RAD54L: variants seen among roughly 807,000 people sequenced by gnomAD.
The protein encoded by RAD54L is RAD54 like.
A neutral mutation model predicts 91.6 loss-of-function variants in RAD54L; 74 were observed. The ratio of observed to expected loss-of-function variants is 0.81; its 90% CI spans 0.67 to 0.98. The LOEUF (loss-of-function observed/expected upper bound fraction) is 0.98. Ranked by LOEUF, RAD54L falls within the 50% of genes least tolerant of loss-of-function variation. The pLI is 0.00. For synonymous variants in RAD54L, 304 were observed against 349.7 expected, an observed-to-expected ratio of 0.87 and a Z score of 1.46; for missense variants, 887 against 945.7, an observed-to-expected ratio of 0.94 and a Z score of 0.81.
chr1:46,274,345 G>A, intron 15 of RAD54L, 129 bp downstream of exon 15: 3 of 1,266,104 alleles, frequency 2.4e-6, no homozygotes, highest in Non-Finnish European at 2.3e-6. Flanking sequence ...AGTAGGATTT[G>A]TCTGGTTGGT....
intron 10 of RAD54L, among the ~76,000 whole-genome samples, chr1:46,271,601 T>C (rs1251361110): frequency 1.3e-5 from 2 of 151,346 alleles, no homozygotes; most frequent in East Asian, 1.9e-4. Flanking sequence ...GAGGTTGGAG[T>C]GAGCTGAGCT....
chr1:46,257,432 C>T (rs938159825), intron 3 of RAD54L, among the ~76,000 whole-genome samples: 15 of 152,262 alleles, frequency 9.9e-5, no homozygotes, highest in Non-Finnish European at 1.6e-4. Context: ...ATCACAGTTC[C>T]GCAAAGGGCT....
intron 3 of RAD54L, 50 bp from the exon 4 acceptor site, chr1:46,258,636 C>G: frequency 7.5e-7 from 1 of 1,340,874 alleles, no homozygotes; most frequent in South Asian, 1.2e-5. Flanking sequence ...TGATATTGTC[C>G]CATAACATCT....
chr1:46,274,396 C>T (rs1660533040), intron 15 of RAD54L, 142 bp from the exon 16 acceptor site: 7 of 1,267,206 alleles, frequency 5.5e-6, no homozygotes, highest in Non-Finnish European at 6.9e-6. Context: ...TTGGGATTGG[C>T]TGGCTGGTGA....
intron 16 of RAD54L, among the ~76,000 whole-genome samples, chr1:46,275,537 C>T (rs919889971): frequency 2.0e-5 from 3 of 152,110 alleles, no homozygotes; most frequent in Admixed American, 2.0e-4. Context: ...ATACCCATTC[C>T]AATTGGATTA....
rs1208771331 is a variant in RAD54L at position 46,260,951 on chromosome 1, C to A, written c.702C>A (p.Leu234=). ...GGTACAATGAGGTTGGGAAATGGCT[C>A]GGAGGGAGGATCCAACCTCTGGCCA... The part of the protein sequence containing the change: ...KNWYNEVGKW[L]GGRIQPLAID... Residue 234 remains leucine (L), a synonymous_variant, in exon 7 of 18, where the codon CTC becomes CTA. Transcript: ENST00000371975. 8 of 1,614,066 alleles carry A rather than the reference C, an allele frequency of 5.0e-6. No homozygotes were observed. The East Asian group carries it at 1.8e-4, about 36-fold the overall frequency.
chr1:46,248,435 G>A (rs1659708800), intron 1 of RAD54L, 27 bp downstream of exon 1: 1 of 1,613,974 alleles, frequency 6.2e-7, no homozygotes, highest in Non-Finnish European at 8.5e-7. Context: ...GGGAGACTGG[G>A]AATAGCCCTG....
At chr1:46,253,537 C>T (rs948928316) in intron 3 of RAD54L, among the ~76,000 whole-genome samples, 1 of 151,868 alleles carries the variant, frequency 6.6e-6, no homozygotes, top group African/African-American at 2.4e-5. Flanking sequence ...ATGGCATGAA[C>T]CCGGGAGGTG....
At chr1:46,270,920 C>T (rs1335011393) in intron 10 of RAD54L, 135 bp downstream of exon 10, 1 of 1,182,954 alleles carries the variant, frequency 8.5e-7, no homozygotes, top group Non-Finnish European at 1.2e-6. Context: ...CTAACTATGG[C>T]CACTGAATAA....
At chr1:46,261,833 A>G (rs559940793) in intron 8 of RAD54L, among the ~76,000 whole-genome samples, 13 of 152,314 alleles carry the variant, frequency 8.5e-5, no homozygotes, top group South Asian at 2.1e-4. Context: ...GAGGACTTCA[A>G]TATTTAAAGG....
At chr1:46,259,475 G>A (rs1426161210) in intron 4 of RAD54L, among the ~76,000 whole-genome samples, 1 of 152,044 alleles carries the variant, frequency 6.6e-6, no homozygotes, top group Non-Finnish European at 1.5e-5. Flanking sequence ...CTGATTCAAA[G>A]CAGAAAAATT....
At position 46,278,343 on chromosome 1, in the gene RAD54L, T is replaced by C; in HGVS notation, c.*61T>C. The C allele has an allele frequency of 2.7e-6, 4 of 1,503,958 alleles. No individual in the cohort carries two copies. Among genetic ancestry groups the C allele is most frequent in the Non-Finnish European group, 3.6e-6 (4 of 1,102,614 alleles). The allele number at this position is 1,503,958 out of a possible 1,614,324, so 93.2% of individuals were successfully genotyped here. Reference sequence around the variant, plus strand: ...GAGATAGGGAAAAGGGGCTCCTTGCTCCACAGGGCCCTGTTGAATTTTGTT... The same window carrying C: ...GAGATAGGGAAAAGGGGCTCCTTGCCCCACAGGGCCCTGTTGAATTTTGTT... On this transcript the variant is annotated 3_prime_UTR_variant, in exon 18 of 18. Transcript: ENST00000371975.
rs1660093154 is a variant in RAD54L, at chr1:46,260,821, T to C, written c.572T>C (p.Leu191Pro). The C allele has an allele frequency of 1.9e-6, 3 of 1,614,120 alleles. No individual in the cohort carries two copies. The highest frequency in any genetic ancestry group is 2.2e-5 in the East Asian group (1 of 44,902). The change falls in exon 7 of 18, where the codon CTG becomes CCG. Residue 191 changes from leucine to proline, a missense_variant. Transcript: ENST00000371975. ...GATGAGATGGGCCTAGGAAAGACGCTGCAGTGCATCACATTGATGTGGACA... is the reference window on the plus strand; with the variant it reads ...GATGAGATGGGCCTAGGAAAGACGCCGCAGTGCATCACATTGATGTGGACA... ...MADEMGLGKT[L>P]QCITLMWTLL...
chr1:46,277,206 A>AT (rs1294660967), intron 16 of RAD54L, among the ~76,000 whole-genome samples: 2 of 152,202 alleles, frequency 1.3e-5, no homozygotes, highest in Non-Finnish European at 2.9e-5. Context: ...GGCCAGTAGT[A>AT]TTCCTTTGTT....
At position 46,259,942 on chromosome 1, in the gene RAD54L, C is replaced by T. The variant is rs747599608; in HGVS notation, c.272-22C>T. On this transcript the variant is annotated intron_variant, in intron 4 of 17. Transcript: ENST00000371975. ...AGCTCCTAAACATAGATTCAGGTGACGGAATGATTATTGGTTTGTAGGTCC... is the reference window on the plus strand; with the variant it reads ...AGCTCCTAAACATAGATTCAGGTGATGGAATGATTATTGGTTTGTAGGTCC... 105 of 1,613,894 alleles carry T rather than the reference C, an allele frequency of 6.5e-5. No homozygotes were observed. The Middle Eastern group carries it at 6.6e-4, about 10-fold the overall frequency.
rs941591208 is a variant in RAD54L, at chr1:46,273,683, G to A, written c.1546G>A (p.Val516Ile). The change falls in exon 14 of 18, where the codon GTA becomes ATA. Residue 516 changes from valine to isoleucine, a missense_variant. Coordinates refer to ENST00000371975, the MANE Select transcript of RAD54L (RefSeq NM_003579.4). ...AVTRSRSSDK[V>I]VLVSNYTQTL... ...GACCCGAAGCCGTAGCAGTGACAAA[G>A]TAGTGCTGGTGTCGAATTACACCCA... 9 of 1,613,968 alleles carry A rather than the reference G, an allele frequency of 5.6e-6. No individual in the cohort carries two copies. Among genetic ancestry groups the A allele is most frequent in the East Asian group, 2.2e-5 (1 of 44,882 alleles).
chr1:46,252,952 G>A (rs894718695), intron 3 of RAD54L, among the ~76,000 whole-genome samples: 1 of 152,034 alleles, frequency 6.6e-6, no homozygotes, highest in African/African-American at 2.4e-5. Flanking sequence ...CGTGACTGTA[G>A]TCCCAGCTAC....
chr1:46,277,679 A>T, intron 16 of RAD54L, 138 bp from the exon 17 acceptor site: 1 of 978,172 alleles, frequency 1.0e-6, no homozygotes, highest in Non-Finnish European at 1.6e-6. Context: ...AGTAGAGATA[A>T]TGTTCTGGGA....
intron 8 of RAD54L, 130 bp from the exon 9 acceptor site, chr1:46,267,329 G>T: frequency 8.3e-7 from 1 of 1,199,208 alleles, no homozygotes; most frequent in Non-Finnish European, 1.2e-6. Flanking sequence ...CTCCCAAAGT[G>T]CTGGGATTAC....
Sources: gnomAD v4.1 joint callset for allele counts (sites outside exome capture counted in the v4.1 genomes callset) on GRCh38, gnomAD v4.1.1 for gene constraint, MANE v1.5 for transcripts, NCBI Gene and HGNC (gene_info 2026-07-23, HGNC 2026-07-21) for gene names.